Variants in TMEM44 observed in about 807,000 individuals in gnomAD.
TMEM44 encodes transmembrane protein 44.
TMEM44 carries 43 observed loss-of-function variants against 47.8 expected under a neutral mutation model. The observed-to-expected ratio is 0.90, with a 90% confidence interval of 0.70 to 1.16. TMEM44 has a LOEUF of 1.16. TMEM44 is among the 50% of genes most tolerant of loss of function. The probability of loss-of-function intolerance (pLI) is 0.00; values close to 1 mark genes in which losing one functional copy is unlikely to be tolerated. For missense variants in TMEM44, 568 were observed against 555.2 expected (o/e 1.02, Z -0.23); for synonymous variants, 277 against 238.8 (o/e 1.16, Z -1.48).
rs138483269 is a variant in TMEM44, at chr3:194,604,167, A to T, written c.1176+120T>A. On this transcript the variant is annotated intron_variant, in intron 9 of 9. Coordinates refer to ENST00000347147, the MANE Select transcript of TMEM44 (RefSeq NM_001011655.3). ...CCGCGCCTGGCCTCATTCATTATTT[A>T]GCAGGTATGAGGTTAACGTGGATAA... 969 of 1,275,420 alleles carry T rather than the reference A, an allele frequency of 7.6e-4. 9 individuals carry two copies. The East Asian group carries it at 0.021, about 28-fold the overall frequency. The allele number at this position is 1,275,420 out of a possible 1,614,324, so 79.0% of individuals were successfully genotyped here. A position where few individuals can be genotyped will look rare whatever the true frequency, so the allele number is the denominator to read the frequency against.
At position 194,604,340 on chromosome 3, in the gene TMEM44, G is replaced by A. The variant is rs990818348; in HGVS notation, c.1123C>T (p.Arg375Trp). The A allele has an allele frequency of 4.8e-5, 75 of 1,575,704 alleles. No homozygotes were observed. Among genetic ancestry groups the A allele is most frequent in the Non-Finnish European group, 6.0e-5 (70 of 1,161,216 alleles). Reference protein sequence around the residue: ...SYPPVQVIRARVSSGSSSEVS... With the variant: ...SYPPVQVIRAWVSSGSSSEVS... ...TCAGAGGAGCTGCCGGAAGACACCC[G>A]GGCCCGGATGACCTGAACGGGAGGG... is the stretch of plus-strand genomic sequence containing the variant. Residue 375 changes from arginine (R) to tryptophan (W), a missense_variant, in exon 9 of 10, where the codon CGG becomes TGG. Arg to Trp is a moderately radical substitution (Grantham distance 101). Transcript: ENST00000347147.
intron 9 of TMEM44, among the ~76,000 whole-genome samples, chr3:194,591,946 T>C (rs1374553269): frequency 5.3e-5 from 8 of 151,532 alleles, no homozygotes; most frequent in East Asian, 4.0e-4. Flanking sequence ...GGGCCAGGCG[T>C]GGTGGCTCAC....
chr3:194,622,323 T>C (rs1239512096), intron 5 of TMEM44, among the ~76,000 whole-genome samples: 3 of 152,184 alleles, frequency 2.0e-5, no homozygotes, highest in Admixed American at 1.3e-4. Context: ...CCTTGCTCAT[T>C]TGAAGAGCGT....
intron 6 of TMEM44, among the ~76,000 whole-genome samples, chr3:194,616,138 G>T (rs574283848): frequency 2.2e-3 from 340 of 151,844 alleles, no homozygotes; most frequent in African/African-American, 7.6e-3. Flanking sequence ...TGCAACCCCT[G>T]CCTCCCTGGT....
intron 1 of TMEM44, among the ~76,000 whole-genome samples, chr3:194,632,132 G>T (rs1180937007): frequency 6.6e-6 from 1 of 152,188 alleles, no homozygotes; most frequent in East Asian, 1.9e-4. Context: ...TACAGAAAGT[G>T]GGGGTAACAG....
chr3:194,629,991 A>T (rs562896964), intron 1 of TMEM44, among the ~76,000 whole-genome samples: 67 of 64,686 alleles, frequency 1.0e-3, no homozygotes, highest in African/African-American at 4.1e-3. Flanking sequence ...CCCCTGAAAT[A>T]GTATGCTGTC....
In TMEM44 at chr3:194,623,637, C is replaced by T; in HGVS notation, c.417G>A (p.Leu139=). ...RRQLRASVFA[L]ALPLSLGPCW... is the part of the protein sequence containing the mutation. ...ACGGGCCCAGGCTCAGCGGCAGGGCCAGGGCAAACACACTGGCCCTGAGCT... is the reference window on the plus strand; with the variant it reads ...ACGGGCCCAGGCTCAGCGGCAGGGCTAGGGCAAACACACTGGCCCTGAGCT... The change falls in exon 4 of 10, where the codon CTG becomes CTA. Residue 139 remains leucine, a synonymous_variant. Transcript: ENST00000347147. The T allele has an allele frequency of 6.2e-7, 1 of 1,612,942 alleles. No individual in the cohort carries two copies. Among genetic ancestry groups the T allele is most frequent in the Non-Finnish European group, 8.5e-7 (1 of 1,179,928 alleles).
intron 9 of TMEM44, 71 bp from the exon 10 acceptor site, chr3:194,588,710 C>T (rs1346323471): frequency 1.4e-6 from 2 of 1,439,512 alleles, no homozygotes; most frequent in Non-Finnish European, 1.9e-6. Flanking sequence ...TAACCCCTGA[C>T]CCAAACAAAA....
chr3:194,615,571 C>G lies in TMEM44; in HGVS notation c.910G>C (p.Glu304Gln). ...TCAEKEEENQENLDWVPLTTL... is the reference protein window; with the variant it reads ...TCAEKEEENQQNLDWVPLTTL... The stretch of plus-strand genomic sequence containing the variant: ...GAGACCTTGTCCTCGTTCCTCACCT[C>G]CTGGTTTTCTTCCTCTTTCTCTGCA... The change falls in exon 7 of 10, where the codon GAG becomes CAG. Residue 304 changes from glutamate to glutamine, a missense_variant and splice_region_variant. Glu to Gln is a conservative substitution (Grantham distance 29, BLOSUM62 2). Transcript: ENST00000347147. 4 of 1,613,936 alleles carry G rather than the reference C, an allele frequency of 2.5e-6. No individual in the cohort carries two copies. Among genetic ancestry groups the G allele is most frequent in the Non-Finnish European group, 3.4e-6 (4 of 1,179,910 alleles).
rs778752232 is a variant in TMEM44 at position 194,628,418 on chromosome 3, C to A, written c.229G>T (p.Val77Phe). ...AGCTGTCTGGCCAGAAGAGCCCCGA[C>A]GGTGTCACACAGACTGGTCAGGAGG... is the stretch of plus-strand genomic sequence containing the variant. ...CCLLTSLCDTVGALLARQLTI... is the reference protein window; with the variant it reads ...CCLLTSLCDTFGALLARQLTI... The change falls in exon 2 of 10, where the codon GTC becomes TTC. Residue 77 changes from valine (V) to phenylalanine (F), a missense_variant. Physicochemically the swap from Val to Phe is conservative, Grantham distance 50 (BLOSUM62 -1). Coordinates refer to ENST00000347147, the MANE Select transcript of TMEM44 (RefSeq NM_001011655.3). The A allele has an allele frequency of 6.2e-7, 1 of 1,612,624 alleles. No individual in the cohort carries two copies. The highest frequency in any genetic ancestry group is 1.1e-5 in the South Asian group (1 of 90,736).
chr3:194,625,534 G>T (rs1041167474), intron 3 of TMEM44, among the ~76,000 whole-genome samples: 1 of 151,862 alleles, frequency 6.6e-6, no homozygotes, highest in African/African-American at 2.4e-5. Context: ...AGGCTGGAAT[G>T]CAGTGGTGCG....
At position 194,594,153 on chromosome 3, in the gene TMEM44, A is replaced by ATCTATCTGTCTGTCTGTCTG. The variant is rs1553824445; in HGVS notation, c.1177-5515_1177-5514insCAGACAGACAGACAGATAGA. Among the ~76,000 whole-genome samples, 653 of 148,388 alleles carry ATCTATCTGTCTGTCTGTCTG rather than the reference A, an allele frequency of 4.4e-3. 4 individuals carry two copies. Among genetic ancestry groups the ATCTATCTGTCTGTCTGTCTG allele is most frequent in the Non-Finnish European group, 6.5e-3 (435 of 66,882 alleles). On this transcript the variant is annotated intron_variant, in intron 9 of 9. Transcript: ENST00000347147. The stretch of plus-strand genomic sequence containing the variant: ...TATCTATCTATCTATCTATCTATCT[A>ATCTATCTGTCTGTCTGTCTG]TCTATCTATCTATATCTATCTATCT...
rs866016265 is a variant in TMEM44, at chr3:194,615,594, G to A, written c.887C>T (p.Ala296Val). Residue 296 changes from alanine to valine, a missense_variant, in exon 7 of 10, where the codon GCA becomes GTA. Physicochemically the swap from Ala to Val is moderately conservative, Grantham distance 64. Coordinates refer to ENST00000347147, the MANE Select transcript of TMEM44 (RefSeq NM_001011655.3). ...CTCCTGGTTTTCTTCCTCTTTCTCT[G>A]CACAGGTCAAAAGGGCTTGGGTGTC... is the stretch of plus-strand genomic sequence containing the variant. ...SPDTQALLTC[A>V]EKEEENQENL... The A allele has an allele frequency of 1.6e-5, 26 of 1,613,932 alleles. No individual in the cohort carries two copies. In the Middle Eastern group the frequency reaches 9.9e-4, roughly 61 times the overall value.
In TMEM44 at chr3:194,610,982, G is replaced by A. The variant is rs533790379; in HGVS notation, c.951C>T (p.Cys317=). ...TTGCTGTCATTGTCCTCAGTGACTT[G>A]CAGTGTGACAGTGTGGTGAGAGGCA... The part of the protein sequence containing the change: ...DWVPLTTLSH[C]KSLRTMTAIS... The change falls in exon 8 of 10, where the codon TGC becomes TGT. Residue 317 remains cysteine (C), a synonymous_variant. Transcript: ENST00000347147. 2 of 1,614,074 alleles carry A rather than the reference G, an allele frequency of 1.2e-6. No individual in the cohort carries two copies. Among genetic ancestry groups the A allele is most frequent in the South Asian group, 2.2e-5 (2 of 91,022 alleles).
intron 9 of TMEM44, among the ~76,000 whole-genome samples, chr3:194,598,795 C>T (rs1237687718): frequency 1.3e-5 from 2 of 152,186 alleles, no homozygotes; most frequent in Admixed American, 1.3e-4. Context: ...CATAAAACCA[C>T]CACCGCATCC....
In TMEM44 at chr3:194,623,654, C is replaced by T. The variant is rs369953132; in HGVS notation, c.400G>A (p.Ala134Thr). The T allele has an allele frequency of 3.7e-6, 6 of 1,613,094 alleles. No homozygotes were observed. Among genetic ancestry groups the T allele is most frequent in the Non-Finnish European group, 5.1e-6 (6 of 1,179,950 alleles). The change falls in exon 4 of 10, where the codon GCC (alanine) becomes ACC (threonine). Residue 134 changes from alanine to threonine, a missense_variant. Coordinates refer to ENST00000347147, the MANE Select transcript of TMEM44 (RefSeq NM_001011655.3). The part of the protein sequence containing the change: ...RERKRRRQLR[A>T]SVFALALPLS... ...GGCAGGGCCAGGGCAAACACACTGGCCCTGAGCTGCCGCCTCCTCTTCCTC... is the reference window on the plus strand; with the variant it reads ...GGCAGGGCCAGGGCAAACACACTGGTCCTGAGCTGCCGCCTCCTCTTCCTC...
chr3:194,633,048 C>CCGACAGCCGCT, intron 1 of TMEM44, 31 bp downstream of exon 1: 1 of 1,545,464 alleles, frequency 6.5e-7, no homozygotes. Context: ...GTTTCCCCGC[C>CCGACAGCCGCT]CGACAGCCCC....
chr3:194,610,301 C>A (rs1715177486), intron 8 of TMEM44, among the ~76,000 whole-genome samples: 2 of 152,084 alleles, frequency 1.3e-5, no homozygotes, highest in South Asian at 4.1e-4. Context: ...TCCCCTCACT[C>A]CTAAATGGTA....
chr3:194,603,831 G>C lies in TMEM44; in HGVS notation c.1176+456C>G, dbSNP rs1714439766. Among the ~76,000 whole-genome samples, 2 of 152,038 alleles carry C rather than the reference G, an allele frequency of 1.3e-5. 1 individual carries two copies. The highest frequency in any genetic ancestry group is 4.2e-4 in the South Asian group (2 of 4,814). ...CCTCTTGTTGGTACTGACACACAGG[G>C]TAGGGGCCCCACGGAAGTTCATTTT... On this transcript the variant is annotated intron_variant, in intron 9 of 9. Coordinates refer to ENST00000347147, the MANE Select transcript of TMEM44 (RefSeq NM_001011655.3).
Sources: gnomAD v4.1 joint callset for allele counts (sites outside exome capture counted in the v4.1 genomes callset) on GRCh38, gnomAD v4.1.1 for gene constraint, MANE v1.5 for transcripts, NCBI Gene and HGNC (gene_info 2026-07-23, HGNC 2026-07-21) for gene names.